Variants in FBXL17 observed in about 807,000 individuals in gnomAD.
The protein encoded by FBXL17 is F-box/LRR-repeat protein 17.
In FBXL17, 22 loss-of-function variants were observed where a neutral mutation model predicts 66.2. The observed-to-expected ratio is 0.33, with a 90% CI of 0.24 to 0.47. The LOEUF (loss-of-function observed/expected upper bound fraction) is 0.47. Ranked by LOEUF, FBXL17 falls within the 20% of genes least tolerant of loss-of-function variation. The pLI, the probability that FBXL17 is intolerant of heterozygous loss-of-function variation, is 1.00. For missense variants in FBXL17, 878 were observed against 948.2 expected (o/e 0.93, Z 0.97); for synonymous variants, 474 against 400.5 (o/e 1.18, Z -2.19).
intron 7 of FBXL17, among the ~76,000 whole-genome samples, chr5:107,996,535 G>T (rs1332061931): frequency 2.0e-5 from 3 of 152,186 alleles, no homozygotes; most frequent in Non-Finnish European, 4.4e-5. Context: ...GGCTAGTCTA[G>T]AACTCCTGAT....
intron 7 of FBXL17, among the ~76,000 whole-genome samples, chr5:107,994,294 G>GT (rs201619201): frequency 0.053 from 7,837 of 148,082 alleles, 674 homozygotes; most frequent in African/African-American, 0.19. Context: ...AATGAATAAT[G>GT]TTTTTTTTTC....
At chr5:107,881,290 T>G in intron 7 of FBXL17, 111 bp from the exon 8 acceptor site, 1 of 654,176 alleles carries the variant, frequency 1.5e-6, no homozygotes, top group East Asian at 2.6e-5. Context: ...AAATTTTGTG[T>G]GTAAATGAAC....
intron 4 of FBXL17, among the ~76,000 whole-genome samples, chr5:108,315,725 A>G (rs1293676699): frequency 2.0e-5 from 3 of 151,482 alleles, no homozygotes; most frequent in African/African-American, 7.2e-5. Context: ...TTCCCAAACA[A>G]AACAACTGAA....
At chr5:108,065,814 T>C (rs765449343) in intron 6 of FBXL17, among the ~76,000 whole-genome samples, 7 of 151,918 alleles carry the variant, frequency 4.6e-5, no homozygotes, top group Middle Eastern at 6.8e-3. Context: ...GAAGCAAGAG[T>C]TGATGAGACA....
At chr5:108,029,608 CAG>C (rs1754956791) in intron 6 of FBXL17, among the ~76,000 whole-genome samples, 1 of 151,948 alleles carries the variant, frequency 6.6e-6, no homozygotes, top group African/African-American at 2.4e-5. Flanking sequence ...TGTGTTTATG[CAG>C]AGAGATAACT....
intron 7 of FBXL17, among the ~76,000 whole-genome samples, chr5:108,017,906 TTAAAA>T (rs1303175953): frequency 1.3e-5 from 2 of 152,122 alleles, no homozygotes; most frequent in African/African-American, 4.8e-5. Context: ...CATATATCAA[TTAAAA>T]TAAACATAAC....
intron 5 of FBXL17, among the ~76,000 whole-genome samples, chr5:108,218,294 C>T (rs557352524): frequency 1.9e-4 from 29 of 152,092 alleles, no homozygotes; most frequent in Admixed American, 1.7e-3. Flanking sequence ...AGGTGTGAGC[C>T]ACCGCGCCTG....
intron 7 of FBXL17, among the ~76,000 whole-genome samples, chr5:107,954,312 T>C (rs750995803): frequency 9.9e-5 from 15 of 152,228 alleles, no homozygotes; most frequent in Non-Finnish European, 2.1e-4. Flanking sequence ...TTTAAATAAA[T>C]ACTTTTCCTG....
chr5:108,083,134 A>C (rs1748831078), intron 6 of FBXL17, among the ~76,000 whole-genome samples: 1 of 152,060 alleles, frequency 6.6e-6, no homozygotes, highest in Non-Finnish European at 1.5e-5. Context: ...AAAAATATTT[A>C]ATGTGAAAAA....
intron 7 of FBXL17, among the ~76,000 whole-genome samples, chr5:107,945,083 C>T (rs1751237791): frequency 6.6e-6 from 1 of 151,880 alleles, no homozygotes; most frequent in South Asian, 2.1e-4. Flanking sequence ...AAAATTGAAT[C>T]TTCTAAATAA....
chr5:108,368,853 G>A (rs1372644844), intron 1 of FBXL17, among the ~76,000 whole-genome samples: 2 of 151,550 alleles, frequency 1.3e-5, no homozygotes, highest in East Asian at 1.9e-4. Flanking sequence ...AAGTCAAGGC[G>A]GGAACTGTAT....
chr5:107,869,815 G>C (rs180944423), intron 8 of FBXL17, among the ~76,000 whole-genome samples: 1 of 152,130 alleles, frequency 6.6e-6, no homozygotes, highest in African/African-American at 2.4e-5. Flanking sequence ...TTGTTCTCTC[G>C]TGTGATCAGC....
In FBXL17 at chr5:108,140,544, T is replaced by C. The variant is rs552581519; in HGVS notation, c.1745+45573A>G. Among the ~76,000 whole-genome samples, 3 of 152,288 alleles carry C rather than the reference T, an allele frequency of 2.0e-5. No homozygotes were observed. In the East Asian group the frequency reaches 5.8e-4, roughly 29 times the overall value. ...AATGATTCATCCTCTTCATTTTCTC[T>C]AGGGTTTCTGCTTCCTCTGCCTACC... On this transcript the variant is annotated intron_variant, in intron 6 of 8. Transcript: ENST00000542267.
chr5:108,376,142 G>A (rs910285277), intron 1 of FBXL17, among the ~76,000 whole-genome samples: 5 of 152,176 alleles, frequency 3.3e-5, no homozygotes, highest in African/African-American at 1.2e-4. Flanking sequence ...CTGAGAAAGA[G>A]CATCTACCAA....
At chr5:107,981,159 AAG>A (rs1425884199) in intron 7 of FBXL17, among the ~76,000 whole-genome samples, 2 of 152,110 alleles carry the variant, frequency 1.3e-5, no homozygotes, top group South Asian at 2.1e-4. Flanking sequence ...GTAGACACTA[AAG>A]AGAGAGTGAG....
chr5:108,329,457 G>A (rs562683382), intron 4 of FBXL17, among the ~76,000 whole-genome samples: 13 of 152,180 alleles, frequency 8.5e-5, no homozygotes, highest in East Asian at 7.7e-4. Context: ...GCAGGTTCTC[G>A]TAAGGGAGGA....
At chr5:108,018,680 G>C (rs912858580) in intron 7 of FBXL17, among the ~76,000 whole-genome samples, 2 of 152,098 alleles carry the variant, frequency 1.3e-5, no homozygotes, top group African/African-American at 2.4e-5. Flanking sequence ...AGATGGGGCA[G>C]AGAGCTTGAG....
intron 4 of FBXL17, among the ~76,000 whole-genome samples, chr5:108,266,288 ATAT>A (rs2150131950): frequency 6.6e-6 from 1 of 152,060 alleles, no homozygotes; most frequent in East Asian, 1.9e-4. Flanking sequence ...CAGTTGAAAA[ATAT>A]TAAACAGAAA....
chr5:108,155,964 A>T (rs1751981242), intron 6 of FBXL17, among the ~76,000 whole-genome samples: 3 of 152,138 alleles, frequency 2.0e-5, no homozygotes, highest in Admixed American at 2.0e-4. Context: ...GAGTACTATA[A>T]ATAAAAAGGC....
Sources: allele counts gnomAD v4.1 joint callset (sites outside exome capture counted in the v4.1 genomes callset), GRCh38; gene constraint gnomAD v4.1.1; transcripts MANE v1.5; gene names NCBI Gene and HGNC (gene_info 2026-07-23, HGNC 2026-07-21).